The following NDST1 variants were observed in gnomAD, a reference collection of about 807,000 sequenced individuals.
The protein encoded by NDST1 is N-deacetylase and N-sulfotransferase 1.
Under a neutral mutation model 92.8 loss-of-function variants are expected in NDST1, and 35 were observed. The observed-to-expected ratio is 0.38, with a 90% CI of 0.29 to 0.50. The LOEUF (loss-of-function observed/expected upper bound fraction) is 0.50. Among genes scored for constraint, NDST1 ranks in the 20% least tolerant of loss-of-function variants. The pLI, the probability that NDST1 is intolerant of heterozygous loss-of-function variation, is 0.94. For missense variants in NDST1, 822 were observed against 1,182.7 expected (o/e 0.69, Z 4.47); for synonymous variants, 493 against 500.3 (o/e 0.99, Z 0.19).
At position 150,553,187 on chromosome 5, in the gene NDST1, G is replaced by T. The variant is rs189585838; in HGVS notation, c.2530-26G>T. 4 of 1,609,450 alleles carry T rather than the reference G, an allele frequency of 2.5e-6. No homozygotes were observed. In the Admixed American group the frequency reaches 5.0e-5, roughly 20 times the overall value. On this transcript the variant is annotated intron_variant, in intron 14 of 14. Transcript: ENST00000261797. The surrounding 1 kb of genome is among the most constrained non-coding windows in gnomAD (Gnocchi z 4.2). ...AGGTCACTCTTAAGTCAGTACACAA[G>T]GTCTGAGCTTTCCTTCCCGTTACAG...
At chr5:150,529,301 A>G (rs1754613863) in intron 3 of NDST1, among the ~76,000 whole-genome samples, 1 of 143,100 alleles carries the variant, frequency 7.0e-6, no homozygotes, top group Non-Finnish European at 1.5e-5. Context: ...CTGAGGCAGG[A>G]GGATTGCTTG....
intron 6 of NDST1, 73 bp from the exon 7 acceptor site, chr5:150,539,155 C>T (rs2151292793): frequency 7.7e-7 from 1 of 1,290,430 alleles, no homozygotes; most frequent in Non-Finnish European, 1.1e-6. Flanking sequence ...GGCCTTCTTC[C>T]TCTGAGGAAG....
Position 150,548,290 on chromosome 5 carries a change from G to A in NDST1, c.2218G>A (p.Ala740Thr), listed in dbSNP as rs143628072. ...TGAGGTGATTACCGCCGGCTCTGAC[G>A]CATCCTCGAAGCTGCGTGCCCTCCA... is the stretch of plus-strand genomic sequence containing the variant. The part of the protein sequence containing the change: ...FHEVITAGSD[A>T]SSKLRALQNR... The change falls in exon 12 of 15, where the codon GCA becomes ACA. Residue 740 changes from alanine (A) to threonine (T), a missense_variant. By Grantham distance (58) the Ala-to-Thr change is moderately conservative. Transcript: ENST00000261797. 1.7e-4 allele frequency: 268 copies of A among 1,613,980 alleles called. No homozygotes were observed. The highest frequency in any genetic ancestry group is 2.1e-4 in the Non-Finnish European group (249 of 1,180,048).
At chr5:150,540,528 C>T (rs538019210) in intron 8 of NDST1, among the ~76,000 whole-genome samples, 5 of 152,218 alleles carry the variant, frequency 3.3e-5, no homozygotes, top group Admixed American at 1.3e-4. Flanking sequence ...GTTAAAAAAA[C>T]GAGTGGGCTG....
intron 11 of NDST1, 82 bp from the exon 12 acceptor site, chr5:150,548,136 C>A: frequency 1.2e-5 from 18 of 1,551,368 alleles, no homozygotes; most frequent in Non-Finnish European, 1.6e-5. Flanking sequence ...ATCTTCTGGC[C>A]ACCTTGCGGG....
At chr5:150,541,382 AT>A (rs1755241459) in intron 8 of NDST1, among the ~76,000 whole-genome samples, 187 bp from the exon 9 acceptor site, 1 of 152,184 alleles carries the variant, frequency 6.6e-6, no homozygotes, top group Admixed American at 6.5e-5. Context: ...TTTGGGGGAC[AT>A]GAAACTGACC....
At position 150,518,615 on chromosome 5, in the gene NDST1, T is replaced by G. The variant is rs535214088; in HGVS notation, c.-387-2253T>G. Among the ~76,000 whole-genome samples, 6 of 152,346 alleles carry G rather than the reference T, an allele frequency of 3.9e-5. No homozygotes were observed. The South Asian group carries it at 1.0e-3, about 26-fold the overall frequency. On this transcript the variant is annotated intron_variant, in intron 1 of 14. Coordinates refer to ENST00000261797, the MANE Select transcript of NDST1 (RefSeq NM_001543.5). ...GCATTTAGCACCAGTTTCTAGCCTA[T>G]GCACAAAAATATTTAACTAAATTAT...
intron 1 of NDST1, among the ~76,000 whole-genome samples, chr5:150,500,381 C>T (rs6863581): frequency 0.031 from 4,666 of 152,264 alleles, 230 homozygotes; most frequent in African/African-American, 0.11. Flanking sequence ...TTGTGCTGGG[C>T]GACATTAACC....
At chr5:150,539,694 C>T (rs1222513803) in intron 7 of NDST1, 1 of 984,736 alleles carries the variant, frequency 1.0e-6, no homozygotes, top group African/African-American at 1.7e-5. Flanking sequence ...CTAGGTCTCG[C>T]TTTCCTTATT....
At chr5:150,509,946 C>T (rs908321877) in intron 1 of NDST1, among the ~76,000 whole-genome samples, 2 of 152,104 alleles carry the variant, frequency 1.3e-5, no homozygotes, top group Non-Finnish European at 2.9e-5. Flanking sequence ...GCTAGAGAAG[C>T]TGGGTCAGCA....
chr5:150,540,054 G>T, intron 7 of NDST1, 28 bp from the exon 8 acceptor site: 3 of 1,613,806 alleles, frequency 1.9e-6, no homozygotes, highest in Non-Finnish European at 2.5e-6. Flanking sequence ...GATGGGCCCT[G>T]CCTCTCTCCT....
chr5:150,544,356 T>G (rs1755387606), intron 10 of NDST1, among the ~76,000 whole-genome samples: 1 of 152,336 alleles, frequency 6.6e-6, no homozygotes, highest in South Asian at 2.1e-4. Flanking sequence ...AAAGCCTGTG[T>G]TTTCAAAGCT....
intron 10 of NDST1, 134 bp downstream of exon 10, chr5:150,543,105 T>G (rs1030323725): frequency 1.7e-6 from 2 of 1,195,082 alleles, no homozygotes; most frequent in Non-Finnish European, 2.5e-6. Context: ...AGGGACAAAG[T>G]GCAGTGACCC....
At chr5:150,534,124 C>T (rs894306594) in intron 4 of NDST1, among the ~76,000 whole-genome samples, 12 of 150,392 alleles carry the variant, frequency 8.0e-5, no homozygotes, top group Non-Finnish European at 1.8e-4. Flanking sequence ...AGAGACGGGA[C>T]CTCTCTCTGT....
chr5:150,526,777 A>G (rs1266190322), intron 2 of NDST1, among the ~76,000 whole-genome samples: 1 of 152,228 alleles, frequency 6.6e-6, no homozygotes, highest in Non-Finnish European at 1.5e-5. Context: ...TGGCACAGGA[A>G]CAAGGACAAA....
intron 11 of NDST1, among the ~76,000 whole-genome samples, chr5:150,546,011 T>C (rs1755465779): frequency 6.7e-6 from 1 of 148,954 alleles, no homozygotes. Context: ...TTTTTTTTTT[T>C]TTTTGAGACA....
chr5:150,509,332 A>G (rs1753611201), intron 1 of NDST1, among the ~76,000 whole-genome samples: 1 of 152,224 alleles, frequency 6.6e-6, no homozygotes, highest in Non-Finnish European at 1.5e-5. Context: ...TTCACTGGGC[A>G]TAAATGACAA....
intron 2 of NDST1, among the ~76,000 whole-genome samples, chr5:150,523,573 G>A (rs944652943): frequency 1.3e-5 from 2 of 152,298 alleles, no homozygotes; most frequent in African/African-American, 2.4e-5. Flanking sequence ...CAAGCAGTCC[G>A]GCCCCAGAGG....
At chr5:150,541,516 G>T (rs532637662) in intron 8 of NDST1, 54 bp from the exon 9 acceptor site, 2 of 1,468,396 alleles carry the variant, frequency 1.4e-6, no homozygotes, top group African/African-American at 2.8e-5. Context: ...TGCAGTGGGA[G>T]TCCACTGACT....
Sources: gnomAD v4.1 joint callset for allele counts (sites outside exome capture counted in the v4.1 genomes callset) on GRCh38, gnomAD v4.1.1 for gene constraint, Gnocchi (gnomAD v3.1) non-coding constraint, MANE v1.5 for transcripts, NCBI Gene and HGNC (gene_info 2026-07-23, HGNC 2026-07-21) for gene names.